ITGA4: variants seen among roughly 807,000 people sequenced by gnomAD.
ITGA4 encodes integrin subunit alpha 4, also known as integrin alpha-4.
Under a neutral mutation model 133.6 loss-of-function variants are expected in ITGA4, and 63 were observed. The ratio of observed to expected loss-of-function variants is 0.47; its 90% confidence interval spans 0.38 to 0.58. The LOEUF (loss-of-function observed/expected upper bound fraction) is 0.58. Ranked by LOEUF, ITGA4 falls within the 20% of genes least tolerant of loss-of-function variation. ITGA4 has a pLI of 0.00. For missense variants in ITGA4, 1,076 were observed against 1,252.7 expected, an observed-to-expected ratio of 0.86 and a Z score of 2.13; for synonymous variants, 483 against 438.0, an observed-to-expected ratio of 1.10 and a Z score of -1.28.
intron 18 of ITGA4, 63 bp downstream of exon 18, chr2:181,522,404 A>G: frequency 8.3e-7 from 1 of 1,200,672 alleles, no homozygotes; most frequent in Non-Finnish European, 1.2e-6. Context: ...TTTTAAAAGT[A>G]AATGGTAGAA....
chr2:181,535,246 G>A (rs2105775831), intron 27 of ITGA4, among the ~76,000 whole-genome samples, 186 bp from the exon 28 acceptor site: 1 of 152,156 alleles, frequency 6.6e-6, no homozygotes, highest in South Asian at 2.1e-4. Context: ...AAACAAAAAT[G>A]TTTCTTTAAC....
At chr2:181,530,924 C>T (rs936693888) in intron 24 of ITGA4, among the ~76,000 whole-genome samples, 2 of 151,906 alleles carry the variant, frequency 1.3e-5, no homozygotes, top group African/African-American at 4.8e-5. Flanking sequence ...GTCAGGAGTT[C>T]GAGACCAGCC....
At chr2:181,513,288 A>G (rs759381938) in intron 17 of ITGA4, among the ~76,000 whole-genome samples, 8 of 151,958 alleles carry the variant, frequency 5.3e-5, no homozygotes, top group Non-Finnish European at 1.2e-4. Flanking sequence ...ACCCACCTAC[A>G]TATCAAATTC....
In ITGA4 at chr2:181,509,720, T is replaced by C; in HGVS notation, c.1758T>C (p.His586=). 2 of 1,611,530 alleles carry C rather than the reference T, an allele frequency of 1.2e-6. No individual in the cohort carries two copies. Among genetic ancestry groups the C allele is most frequent in the Non-Finnish European group, 1.7e-6 (2 of 1,178,366 alleles). ...AAGCTGCTTACCACCTTGGTCCTCATGTCATCAGTAAACGAAGTACAGAGG... is the reference window on the plus strand; with the variant it reads ...AAGCTGCTTACCACCTTGGTCCTCACGTCATCAGTAAACGAAGTACAGAGG... ...QIEAAYHLGP[H]VISKRSTEEF... The change falls in exon 16 of 28, where the codon CAT becomes CAC. Residue 586 remains histidine (H), a synonymous_variant. Coordinates refer to ENST00000397033, the MANE Select transcript of ITGA4 (RefSeq NM_000885.6).
chr2:181,484,329 C>G (rs982307414), intron 9 of ITGA4, among the ~76,000 whole-genome samples: 2 of 152,108 alleles, frequency 1.3e-5, no homozygotes, highest in Non-Finnish European at 2.9e-5. Flanking sequence ...GGGTTCCTAG[C>G]GAACTCTCAG....
intron 10 of ITGA4, among the ~76,000 whole-genome samples, chr2:181,490,805 A>G (rs1233910470): frequency 6.6e-6 from 1 of 152,228 alleles, no homozygotes; most frequent in Non-Finnish European, 1.5e-5. Context: ...AAATCTGCAC[A>G]AAGTCCATAT....
chr2:181,457,730 C>T lies in ITGA4; in HGVS notation c.76C>T (p.Leu26=), dbSNP rs201089716. The T allele has an allele frequency of 8.7e-6, 14 of 1,612,778 alleles. No homozygotes were observed. Among genetic ancestry groups the T allele is most frequent in the Non-Finnish European group, 9.3e-6 (11 of 1,179,784 alleles). The change falls in exon 1 of 28, where the codon CTG becomes TTG. Residue 26 remains leucine (L), a synonymous_variant. Transcript: ENST00000397033. ...GGAGACGGTGATGCTGTTGCTGTGC[C>T]TGGGGGTCCCGACCGGCCGCCCCTA... ...VRETVMLLLC[L]GVPTGRPYNV...
chr2:181,489,877 G>A (rs767120169), intron 10 of ITGA4, among the ~76,000 whole-genome samples: 5 of 152,086 alleles, frequency 3.3e-5, no homozygotes, highest in African/African-American at 7.2e-5. Context: ...CTCTTCGGAC[G>A]CCGAGTTAAA....
At chr2:181,472,007 G>A (rs920336756) in intron 2 of ITGA4, among the ~76,000 whole-genome samples, 5 of 123,722 alleles carry the variant, frequency 4.0e-5, no homozygotes, top group East Asian at 2.8e-4. Context: ...CCAGAGAGCT[G>A]AGAGGCACTC....
chr2:181,522,481 G>A, intron 18 of ITGA4, 140 bp downstream of exon 18: 1 of 572,852 alleles, frequency 1.7e-6, no homozygotes, highest in Non-Finnish European at 2.9e-6. Context: ...GACTTACTCT[G>A]TGCCCCTGCT....
rs1040421327 is a variant in ITGA4, at chr2:181,524,322, C to T, written c.2249+72C>T. 7.1e-5 allele frequency: 58 copies of T among 815,612 alleles called. No individual in the cohort carries two copies. The Admixed American group carries it at 1.5e-3, about 22-fold the overall frequency. The allele number at this position is 815,612 out of a possible 1,614,324, so 50.5% of individuals were successfully genotyped here. A position where few individuals can be genotyped will look rare whatever the true frequency, so the allele number is the denominator to read the frequency against. ...TCTGAGGGGGGGGAATTAGGAGAAC[C>T]GTAAAACTGTGTTCCATTAATTGTA... On this transcript the variant is annotated intron_variant, in intron 20 of 27. Coordinates refer to ENST00000397033, the MANE Select transcript of ITGA4 (RefSeq NM_000885.6).
chr2:181,461,723 C>T (rs1685284689), intron 2 of ITGA4, among the ~76,000 whole-genome samples: 1 of 152,108 alleles, frequency 6.6e-6, no homozygotes, highest in Admixed American at 6.6e-5. Context: ...TCTTTCATTA[C>T]TTTGGAGTTA....
rs1181559773 is a variant in ITGA4, at chr2:181,515,866, G to A, written c.1922+4091G>A. ...ACATTCTCCCAGCTATAACTCTGCT[G>A]GCACTAATGGTATTTATGTGCCCCA... On this transcript the variant is annotated intron_variant, in intron 17 of 27. Coordinates refer to ENST00000397033, the MANE Select transcript of ITGA4 (RefSeq NM_000885.6). Among the ~76,000 whole-genome samples the A allele has an allele frequency of 3.3e-5, 5 of 151,996 alleles. No individual in the cohort carries two copies. The East Asian group carries it at 9.7e-4, about 29-fold the overall frequency.
In ITGA4 at chr2:181,457,609, T is replaced by G; in HGVS notation, c.-46T>G. 1.9e-6 allele frequency: 3 copies of G among 1,555,878 alleles called. No homozygotes were observed. Among genetic ancestry groups the G allele is most frequent in the Non-Finnish European group, 2.6e-6 (3 of 1,144,784 alleles). ...GCCAACCGTCGCATCCCGTGCAACTTTGGGGTAGTGGCCGTTTAGTGTTGA... is the reference window on the plus strand; with the variant it reads ...GCCAACCGTCGCATCCCGTGCAACTGTGGGGTAGTGGCCGTTTAGTGTTGA... On this transcript the variant is annotated 5_prime_UTR_variant, in exon 1 of 28. Transcript: ENST00000397033.
rs79917792 is a variant in ITGA4, at chr2:181,467,436, A to G, written c.320-7524A>G. Among the ~76,000 whole-genome samples, 603 of 152,308 alleles carry G rather than the reference A, an allele frequency of 4.0e-3. 2 individuals are homozygous for G. Among genetic ancestry groups the G allele is most frequent in the African/African-American group, 0.014 (564 of 41,560 alleles). On this transcript the variant is annotated intron_variant, in intron 2 of 27. Transcript: ENST00000397033. ...TAAAGCAGGCATTTACTTGCATTAG[A>G]AAGTCCCAAGCTCTCCTAGCCAAAA... is the stretch of plus-strand genomic sequence containing the variant.
intron 10 of ITGA4, among the ~76,000 whole-genome samples, chr2:181,491,675 G>C (rs1484890748): frequency 2.1e-4 from 2 of 9,408 alleles, no homozygotes; most frequent in Admixed American, 4.4e-3. Context: ...TATAAACCCA[G>C]CCCTGATTAA....
intron 2 of ITGA4, among the ~76,000 whole-genome samples, chr2:181,462,374 A>G (rs909416198): frequency 3.9e-5 from 6 of 152,154 alleles, no homozygotes; most frequent in South Asian, 4.1e-4. Flanking sequence ...TATATAACCT[A>G]TTTGAAAGAA....
chr2:181,511,186 G>A (rs558814531), intron 16 of ITGA4, among the ~76,000 whole-genome samples: 1 of 141,818 alleles, frequency 7.1e-6, no homozygotes, highest in Non-Finnish European at 1.5e-5. Flanking sequence ...AAAGCTTCGA[G>A]TTAATTAAAT....
chr2:181,514,509 T>A (rs1268959393), intron 17 of ITGA4, among the ~76,000 whole-genome samples: 1 of 144,694 alleles, frequency 6.9e-6, no homozygotes, highest in Non-Finnish European at 1.6e-5. Flanking sequence ...TACGGACTAC[T>A]TTGTATCCCA....
Sources: allele counts gnomAD v4.1 joint callset (sites outside exome capture counted in the v4.1 genomes callset), GRCh38; gene constraint gnomAD v4.1.1; transcripts MANE v1.5; gene names NCBI Gene and HGNC (gene_info 2026-07-23, HGNC 2026-07-21).